Variants in MS4A14 observed in about 807,000 individuals in gnomAD.
The protein encoded by MS4A14 is membrane-spanning 4-domains subfamily A member 14.
MS4A14 carries 18 observed loss-of-function variants against 16.7 expected under a neutral mutation model. The ratio of observed to expected loss-of-function variants is 1.08; its 90% CI spans 0.75 to 1.60. The LOEUF (loss-of-function observed/expected upper bound fraction) is 1.60. Ranked by LOEUF, MS4A14 falls within the 40% of genes most tolerant of loss-of-function variation. The pLI, the probability that MS4A14 is intolerant of heterozygous loss-of-function variation, is 0.00. For synonymous variants in MS4A14, 305 were observed against 289.4 expected (o/e 1.05, Z -0.55); for missense variants, 812 against 775.3 (o/e 1.05, Z -0.56).
intron 1 of MS4A14, among the ~76,000 whole-genome samples, chr11:60,397,041 A>G (rs924504071): frequency 6.6e-6 from 1 of 152,194 alleles, no homozygotes; most frequent in Non-Finnish European, 1.5e-5. Context: ...TTCAAAACCC[A>G]TATTCAAAGC....
rs115199254 is a variant in MS4A14 at position 60,409,375 on chromosome 11, A to G, written c.469-6062A>G. On this transcript the variant is annotated intron_variant, in intron 4 of 4. Coordinates refer to ENST00000300187, the MANE Select transcript of MS4A14 (RefSeq NM_032597.5). ...ACTATTCTAGTCTTCACTTCCATGA[A>G]GTCAACTTTTTTAGATTCCAAATGT... is the stretch of plus-strand genomic sequence containing the variant. 3.7e-3 allele frequency among the ~76,000 whole-genome samples: 559 copies of G among 152,100 alleles called. 2 individuals are homozygous for G. The highest frequency in any genetic ancestry group is 0.013 in the African/African-American group (547 of 41,486).
At chr11:60,397,795 G>T in intron 1 of MS4A14, 57 bp from the exon 2 acceptor site, 3 of 1,577,886 alleles carry the variant, frequency 1.9e-6, no homozygotes, top group Non-Finnish European at 2.6e-6. Context: ...GGGACGTGGG[G>T]TAGCCCACAG....
At chr11:60,411,716 A>C (rs1333014263) in intron 4 of MS4A14, among the ~76,000 whole-genome samples, 1 of 152,134 alleles carries the variant, frequency 6.6e-6, no homozygotes, top group East Asian at 1.9e-4. Context: ...GGAAATACAG[A>C]TGGCCTTAAT....
chr11:60,399,561 G>A (rs1174055979), intron 2 of MS4A14, among the ~76,000 whole-genome samples: 1 of 152,184 alleles, frequency 6.6e-6, no homozygotes, highest in African/African-American at 2.4e-5. Flanking sequence ...AAGACTTGTT[G>A]AAGTATCATT....
chr11:60,409,322 TC>T (rs1293228416), intron 4 of MS4A14, among the ~76,000 whole-genome samples: 1 of 152,018 alleles, frequency 6.6e-6, no homozygotes, highest in Non-Finnish European at 1.5e-5. Context: ...CCTCCCATCC[TC>T]CCTACCTTCC....
intron 3 of MS4A14, among the ~76,000 whole-genome samples, chr11:60,400,786 A>G (rs2085702068): frequency 6.6e-6 from 1 of 152,240 alleles, no homozygotes; most frequent in Non-Finnish European, 1.5e-5. Context: ...ATTTTTGGTC[A>G]TTACAACTGG....
At chr11:60,398,670 GAATCAATC>G (rs199652019) in intron 2 of MS4A14, among the ~76,000 whole-genome samples, 1 of 152,040 alleles carries the variant, frequency 6.6e-6, no homozygotes, top group Admixed American at 6.6e-5. Flanking sequence ...ACGAACGAAT[GAATCAATC>G]AATCAATCAA....
chr11:60,400,894 A>T (rs942780716), intron 3 of MS4A14, among the ~76,000 whole-genome samples: 2 of 152,212 alleles, frequency 1.3e-5, no homozygotes, highest in African/African-American at 2.4e-5. Context: ...CCAACAAAAA[A>T]TGTTTATAGT....
chr11:60,404,836 G>C (rs1254095987), intron 4 of MS4A14, among the ~76,000 whole-genome samples: 1 of 152,110 alleles, frequency 6.6e-6, no homozygotes. Context: ...ATTTAGTTAG[G>C]TAAATAATTA....
At position 60,416,568 on chromosome 11, in the gene MS4A14, G is replaced by T; in HGVS notation, c.1600G>T (p.Asp534Tyr). 1 of 1,613,834 alleles carries T rather than the reference G, an allele frequency of 6.2e-7. No individual in the cohort carries two copies. The highest frequency in any genetic ancestry group is 8.5e-7 in the Non-Finnish European group (1 of 1,179,948). The change falls in exon 5 of 5, where the codon GAC becomes TAC. Residue 534 changes from aspartate to tyrosine, a missense_variant. Transcript: ENST00000300187. ...GWQSPKQKSL[D>Y]QQIKDWLSPK... is the part of the protein sequence containing the mutation. ...GCAATCTCCAAAGCAGAAATCCTTAGACCAGCAAATCAAAGACTGGCTATC... is the reference window on the plus strand; with the variant it reads ...GCAATCTCCAAAGCAGAAATCCTTATACCAGCAAATCAAAGACTGGCTATC...
chr11:60,407,841 G>T (rs928398612), intron 4 of MS4A14, among the ~76,000 whole-genome samples: 3 of 151,000 alleles, frequency 2.0e-5, no homozygotes. Flanking sequence ...TTTTCACACT[G>T]TGACTTGCCT....
intron 4 of MS4A14, among the ~76,000 whole-genome samples, chr11:60,404,078 A>G (rs560874826): frequency 1.3e-5 from 2 of 152,344 alleles, no homozygotes; most frequent in South Asian, 2.1e-4. Flanking sequence ...ATACAACATT[A>G]TAATTCTTGG....
intron 3 of MS4A14, among the ~76,000 whole-genome samples, chr11:60,401,994 G>A (rs17154923): frequency 0.011 from 1,669 of 152,228 alleles, 28 homozygotes; most frequent in African/African-American, 0.038. Context: ...TTTCCACCAC[G>A]GTAGTCATAA....
chr11:60,396,774 C>T (rs1320709179), intron 1 of MS4A14, 58 bp downstream of exon 1: 5 of 1,537,962 alleles, frequency 3.3e-6, no homozygotes, highest in African/African-American at 2.7e-5. Context: ...TTTATTTATT[C>T]ATGTATGTCT....
In MS4A14 at chr11:60,415,912, T is replaced by C; in HGVS notation, c.944T>C (p.Ile315Thr). The change falls in exon 5 of 5, where the codon ATA (isoleucine) becomes ACA (threonine). Residue 315 changes from isoleucine to threonine, a missense_variant. Physicochemically the swap from Ile to Thr is moderately conservative, Grantham distance 89 (BLOSUM62 -1). Transcript: ENST00000300187. ...CATTCTGCACTAAAACTCGAAGATATATCACCTGAAGACTTGCCATCCCAA... is the reference window on the plus strand; with the variant it reads ...CATTCTGCACTAAAACTCGAAGATACATCACCTGAAGACTTGCCATCCCAA... ...PSHSALKLED[I>T]SPEDLPSQAL... 1.9e-6 allele frequency: 3 copies of C among 1,613,930 alleles called. No homozygotes were observed. Among genetic ancestry groups the C allele is most frequent in the Non-Finnish European group, 1.7e-6 (2 of 1,179,932 alleles).
In MS4A14 at chr11:60,416,022, G is replaced by A. The variant is rs1565180990; in HGVS notation, c.1054G>A (p.Ala352Thr). The stretch of plus-strand genomic sequence containing the variant: ...TGTCAAACAGTCTTCTAATCTGACA[G>A]CTAATGACCTGCCCCCTCAAGGCAT... ...SHVKQSSNLTANDLPPQGILS... is the reference protein window; with the variant it reads ...SHVKQSSNLTTNDLPPQGILS... Residue 352 changes from alanine to threonine, a missense_variant, in exon 5 of 5, where the codon GCT (alanine) becomes ACT (threonine). Ala to Thr is a moderately conservative substitution (Grantham distance 58). Coordinates refer to ENST00000300187, the MANE Select transcript of MS4A14 (RefSeq NM_032597.5). The A allele has an allele frequency of 4.3e-6, 7 of 1,613,654 alleles. No homozygotes were observed. Among genetic ancestry groups the A allele is most frequent in the Non-Finnish European group, 5.9e-6 (7 of 1,179,940 alleles).
At chr11:60,411,138 G>GCACA (rs2085864105) in intron 4 of MS4A14, among the ~76,000 whole-genome samples, 1 of 152,126 alleles carries the variant, frequency 6.6e-6, no homozygotes, top group East Asian at 1.9e-4. Flanking sequence ...GAGCCACTGT[G>GCACA]CCCGGCCCTG....
At position 60,416,038 on chromosome 11, in the gene MS4A14, C is replaced by T; in HGVS notation, c.1070C>T (p.Pro357Leu). Residue 357 changes from proline (P) to leucine (L), a missense_variant, in exon 5 of 5, where the codon CCT becomes CTT. Coordinates refer to ENST00000300187, the MANE Select transcript of MS4A14 (RefSeq NM_032597.5). The part of the protein sequence containing the change: ...SSNLTANDLP[P>L]QGILSQDTSS... The stretch of plus-strand genomic sequence containing the variant: ...AATCTGACAGCTAATGACCTGCCCC[C>T]TCAAGGCATACTATCCCAAGACACA... The T allele has an allele frequency of 6.2e-7, 1 of 1,613,618 alleles. No individual in the cohort carries two copies. Among genetic ancestry groups the T allele is most frequent in the Non-Finnish European group, 8.5e-7 (1 of 1,179,870 alleles).
chr11:60,409,652 G>T (rs1330781286), intron 4 of MS4A14, among the ~76,000 whole-genome samples: 2 of 149,280 alleles, frequency 1.3e-5, no homozygotes, highest in African/African-American at 4.9e-5. Flanking sequence ...CCTTATCTTG[G>T]CTCTTGTGAA....
Sources: allele counts gnomAD v4.1 joint callset (sites outside exome capture counted in the v4.1 genomes callset), GRCh38; gene constraint gnomAD v4.1.1; transcripts MANE v1.5; gene names NCBI Gene and HGNC (gene_info 2026-07-23, HGNC 2026-07-21).